SLC14A2: variants seen among roughly 807,000 people sequenced by gnomAD.
SLC14A2 encodes the protein solute carrier family 14 member 2, also known as urea transporter 2.
In SLC14A2, 91 loss-of-function variants were observed where a neutral mutation model predicts 104.6. The ratio of observed to expected loss-of-function variants is 0.87; its 90% CI spans 0.73 to 1.04. The LOEUF (loss-of-function observed/expected upper bound fraction) is 1.04, where lower values mean the gene tolerates loss of function less well. Among genes scored for constraint, SLC14A2 ranks in the 50% least tolerant of loss-of-function variants. The probability of loss-of-function intolerance (pLI) is 0.00; values close to 1 mark genes in which losing one functional copy is unlikely to be tolerated. For synonymous variants in SLC14A2, 476 were observed against 466.4 expected (o/e 1.02, Z -0.27); for missense variants, 1,189 against 1,156.0 (o/e 1.03, Z -0.41).
In SLC14A2 at chr18:45,451,696, C is replaced by T. The variant is rs548803842; in HGVS notation, c.-124-31537C>T. On this transcript the variant is annotated intron_variant, in intron 1 of 20. Coordinates refer to the SLC14A2 transcript ENST00000586448. ...GTTTATCTATGCCTGCAATTGCACT[C>T]CAATAAACCATTTTTCTTTAAATTT... Among the ~76,000 whole-genome samples, 41 of 152,262 alleles carry T rather than the reference C, an allele frequency of 2.7e-4. 1 individual carries two copies. The South Asian group carries it at 8.3e-3, about 31-fold the overall frequency.
intron 10 of SLC14A2, among the ~76,000 whole-genome samples, chr18:45,659,880 T>C (rs1250303090): frequency 1.3e-5 from 2 of 151,752 alleles, no homozygotes; most frequent in Non-Finnish European, 2.9e-5. Context: ...ATCCTGGCAT[T>C]TTGGGAGGCC....
chr18:45,549,904 A>C (rs567903223), intron 2 of SLC14A2: 1 of 152,112 alleles, frequency 6.6e-6, no homozygotes, highest in East Asian at 1.9e-4. Context: ...TTAAAAATTG[A>C]CCAAAGTCAT....
intron 1 of SLC14A2, among the ~76,000 whole-genome samples, chr18:45,373,164 T>G (rs1363363505): frequency 6.6e-6 from 1 of 152,196 alleles, no homozygotes; most frequent in Non-Finnish European, 1.5e-5. Context: ...GTATGCCCCA[T>G]GACACTAAAT....
chr18:45,540,719 T>G (rs923691014), intron 2 of SLC14A2, among the ~76,000 whole-genome samples: 39 of 152,078 alleles, frequency 2.6e-4, no homozygotes, highest in Admixed American at 2.0e-4. Context: ...AACTCCAGCC[T>G]GGACAACAGA....
At chr18:45,507,769 A>G (rs544475037) in intron 2 of SLC14A2, among the ~76,000 whole-genome samples, 187 of 152,346 alleles carry the variant, frequency 1.2e-3, no homozygotes, top group Middle Eastern at 3.4e-3. Flanking sequence ...TGGCCAGTTG[A>G]CAAGAATGGT....
intron 2 of SLC14A2, chr18:45,515,727 T>C (rs1472666023): frequency 6.6e-6 from 1 of 152,240 alleles, no homozygotes; most frequent in Non-Finnish European, 1.5e-5. Flanking sequence ...TGTAGACACA[T>C]TGGGCCCGGG....
chr18:45,302,918 G>A (rs1221759911), intron 1 of SLC14A2, among the ~76,000 whole-genome samples: 1 of 152,138 alleles, frequency 6.6e-6, no homozygotes, highest in Non-Finnish European at 1.5e-5. Context: ...TCCTGTAGCA[G>A]GCAGTGCTGG....
chr18:45,624,849 G>A (rs1315289471), intron 2 of SLC14A2, 35 bp downstream of exon 2: 12 of 1,568,366 alleles, frequency 7.7e-6, no homozygotes, highest in Non-Finnish European at 1.0e-5. Context: ...TTTCCTGGGA[G>A]GGAGGGGATG....
chr18:45,526,275 G>A (rs939795385), intron 2 of SLC14A2, among the ~76,000 whole-genome samples: 1 of 152,172 alleles, frequency 6.6e-6, no homozygotes, highest in Non-Finnish European at 1.5e-5. Flanking sequence ...CCTCTTAGCT[G>A]CTATGATCTG....
At chr18:45,292,418 G>A (rs1399272597) in intron 1 of SLC14A2, among the ~76,000 whole-genome samples, 1 of 152,194 alleles carries the variant, frequency 6.6e-6, no homozygotes, top group African/African-American at 2.4e-5. Context: ...TGTTAGTGAC[G>A]AAGTCATTAG....
chr18:45,499,441 G>T (rs1284880777), intron 2 of SLC14A2, among the ~76,000 whole-genome samples: 1 of 152,160 alleles, frequency 6.6e-6, no homozygotes, highest in Non-Finnish European at 1.5e-5. Context: ...TTTATCAGGA[G>T]GCTGATCCCA....
chr18:45,285,185 A>G (rs1306857960), intron 1 of SLC14A2, among the ~76,000 whole-genome samples: 1 of 152,204 alleles, frequency 6.6e-6, no homozygotes, highest in African/African-American at 2.4e-5. Flanking sequence ...GAGACAGACT[A>G]TAGAGGATCT....
intron 1 of SLC14A2, among the ~76,000 whole-genome samples, chr18:45,255,789 G>A (rs1257438198): frequency 2.0e-5 from 3 of 152,072 alleles, no homozygotes; most frequent in Non-Finnish European, 4.4e-5. Context: ...TATTTAAAAA[G>A]GAAAAGCATA....
At chr18:45,374,319 C>A (rs1030093202) in intron 1 of SLC14A2, among the ~76,000 whole-genome samples, 2 of 152,200 alleles carry the variant, frequency 1.3e-5, no homozygotes, top group Non-Finnish European at 2.9e-5. Flanking sequence ...ATGAGTGGTG[C>A]ATCTATGCAA....
chr18:45,176,579 G>C, the SLC14A2 span, among the ~76,000 whole-genome samples: 1 of 151,910 alleles, frequency 6.6e-6, no homozygotes, highest in Non-Finnish European at 1.5e-5. Flanking sequence ...TACAATCCTC[G>C]CTAGAAAAAT....
chr18:45,368,302 A>T (rs2085686946), intron 1 of SLC14A2, among the ~76,000 whole-genome samples: 1 of 152,190 alleles, frequency 6.6e-6, no homozygotes, highest in Non-Finnish European at 1.5e-5. Flanking sequence ...ATTAGAATAT[A>T]TAGAAAAAGC....
Position 45,333,096 on chromosome 18 carries a change from A to AT in SLC14A2, c.-125+119906dup, listed in dbSNP as rs575818255. Among the ~76,000 whole-genome samples, 30 of 152,240 alleles carry AT rather than the reference A, an allele frequency of 2.0e-4. 1 individual carries two copies. The East Asian group carries it at 5.4e-3, about 27-fold the overall frequency. On this transcript the variant is annotated intron_variant, in intron 1 of 20. Coordinates refer to the SLC14A2 transcript ENST00000586448. ...CAATTTGGCTTTTTTCTCTTTGCTA[A>AT]TAATAGAGTGTTTAGGGTGGTTTGT...
chr18:45,548,825 G>A (rs2044011783), intron 2 of SLC14A2, among the ~76,000 whole-genome samples: 1 of 152,232 alleles, frequency 6.6e-6, no homozygotes, highest in African/African-American at 2.4e-5. Flanking sequence ...ACCTGTAGCT[G>A]GAAGGCAGAT....
intron 1 of SLC14A2, among the ~76,000 whole-genome samples, chr18:45,377,409 C>A (rs1432301831): frequency 6.6e-6 from 1 of 152,164 alleles, no homozygotes; most frequent in Non-Finnish European, 1.5e-5. Flanking sequence ...GTACTAATCC[C>A]AACTCATCTG....
Sources: gnomAD v4.1 joint callset for allele counts (sites outside exome capture counted in the v4.1 genomes callset) on GRCh38, gnomAD v4.1.1 for gene constraint, MANE v1.5 for transcripts, NCBI Gene and HGNC (gene_info 2026-07-23, HGNC 2026-07-21) for gene names.